Variants in COMMD1 observed in about 807,000 individuals in gnomAD.
COMMD1 encodes the protein copper metabolism domain containing 1.
Under a neutral mutation model 17.2 loss-of-function variants are expected in COMMD1, and 10 were observed. The observed-to-expected ratio is 0.58, with a 90% confidence interval of 0.36 to 0.99. The LOEUF (loss-of-function observed/expected upper bound fraction) is 0.99, where lower values mean the gene tolerates loss of function less well. Among genes scored for constraint, COMMD1 ranks in the 50% least tolerant of loss-of-function variants. The probability of loss-of-function intolerance (pLI) is 0.01; values close to 1 mark genes in which losing one functional copy is unlikely to be tolerated. For missense variants in COMMD1, 270 were observed against 231.8 expected (o/e 1.17, Z -1.07); for synonymous variants, 97 against 91.6 (o/e 1.06, Z -0.34).
chr2:61,960,991 C>G (rs935875121), intron 1 of COMMD1, among the ~76,000 whole-genome samples: 5 of 152,220 alleles, frequency 3.3e-5, no homozygotes, highest in Non-Finnish European at 7.3e-5. Context: ...TGTCCTGGCT[C>G]TCTTCTCCCG....
At chr2:62,101,450 A>G (rs1672174995) in intron 2 of COMMD1, among the ~76,000 whole-genome samples, 1 of 152,088 alleles carries the variant, frequency 6.6e-6, no homozygotes, top group African/African-American at 2.4e-5. Context: ...CTCTACAAAA[A>G]ATTTAAAAAA....
At chr2:62,129,121 C>T (rs763989418) in intron 2 of COMMD1, among the ~76,000 whole-genome samples, 6 of 152,088 alleles carry the variant, frequency 3.9e-5, no homozygotes, top group South Asian at 2.1e-4. Flanking sequence ...TTCTATGCTT[C>T]GGCAGTCTGA....
intron 2 of COMMD1, among the ~76,000 whole-genome samples, chr2:62,031,655 A>G (rs991872342): frequency 1.3e-5 from 2 of 152,220 alleles, no homozygotes; most frequent in African/African-American, 2.4e-5. Context: ...TTTATGTTAA[A>G]GTAAATTTTG....
intron 2 of COMMD1, among the ~76,000 whole-genome samples, chr2:62,035,480 C>A (rs1385028315): frequency 6.6e-6 from 1 of 152,146 alleles, no homozygotes; most frequent in Non-Finnish European, 1.5e-5. Flanking sequence ...GTGGCTCATG[C>A]CTATAATCCC....
chr2:61,954,767 C>T (rs1464980020), intron 1 of COMMD1, among the ~76,000 whole-genome samples: 1 of 152,140 alleles, frequency 6.6e-6, no homozygotes, highest in Non-Finnish European at 1.5e-5. Context: ...TTGCAGCCTC[C>T]ACCTTCCAGG....
intron 1 of COMMD1, among the ~76,000 whole-genome samples, chr2:61,961,201 A>G (rs2103694954): frequency 1.3e-5 from 2 of 152,366 alleles, no homozygotes; most frequent in South Asian, 4.1e-4. Context: ...GGTGCTACTC[A>G]GTAGCTGTCC....
chr2:62,096,171 C>T (rs1672004378), intron 2 of COMMD1, among the ~76,000 whole-genome samples: 2 of 151,996 alleles, frequency 1.3e-5, no homozygotes. Flanking sequence ...GCTTTTATGA[C>T]ATTAGGTAGG....
intron 2 of COMMD1, among the ~76,000 whole-genome samples, chr2:62,081,725 C>T (rs1274951174): frequency 2.0e-5 from 3 of 151,860 alleles, no homozygotes; most frequent in African/African-American, 7.3e-5. Flanking sequence ...ATTTCCTTAT[C>T]GATTTATAAA....
At chr2:61,909,808 C>T (rs150762225) in intron 1 of COMMD1, among the ~76,000 whole-genome samples, 2 of 152,306 alleles carry the variant, frequency 1.3e-5, no homozygotes, top group Non-Finnish European at 2.9e-5. Flanking sequence ...GCAGGGGATA[C>T]AGCGGACACA....
intron 1 of COMMD1, among the ~76,000 whole-genome samples, chr2:61,977,988 GAA>G (rs759260116): frequency 1.5e-5 from 2 of 134,794 alleles, no homozygotes; most frequent in Admixed American, 7.6e-5. Context: ...GATTCTGTCT[GAA>G]AAAAAAAAAA....
At position 62,007,087 on chromosome 2, in the gene COMMD1, A is replaced by C. The variant is rs571340185; in HGVS notation, c.462+6105A>C. Among the ~76,000 whole-genome samples, 295 of 152,304 alleles carry C rather than the reference A, an allele frequency of 1.9e-3. 1 individual carries two copies. The highest frequency in any genetic ancestry group is 6.7e-3 in the African/African-American group (277 of 41,564). On this transcript the variant is annotated intron_variant, in intron 2 of 2. Coordinates refer to ENST00000311832, the MANE Select transcript of COMMD1 (RefSeq NM_152516.4). ...AGATTTTAAGATGCCCTGCATGTAG[A>C]GATCCCAAAATATAAAACTCTTTTC...
upstream of COMMD1, among the ~76,000 whole-genome samples, chr2:61,904,350 T>C (rs1465057921): frequency 6.6e-6 from 1 of 152,220 alleles, no homozygotes; most frequent in Non-Finnish European, 1.5e-5. Flanking sequence ...ATATACAGAA[T>C]ATTCCAGCTT....
intron 1 of COMMD1, among the ~76,000 whole-genome samples, chr2:61,915,226 C>T (rs1013723918): frequency 2.0e-5 from 3 of 151,810 alleles, no homozygotes; most frequent in Non-Finnish European, 4.4e-5. Flanking sequence ...GGTTGGTCTC[C>T]AACTCCTGAG....
intron 2 of COMMD1, chr2:62,084,730 G>C (rs1213172673): frequency 6.6e-6 from 1 of 152,186 alleles, no homozygotes; most frequent in Non-Finnish European, 1.5e-5. Flanking sequence ...AACATGTCTA[G>C]TCTTAGTAGT....
At chr2:62,015,927 A>T (rs1300192722) in intron 2 of COMMD1, among the ~76,000 whole-genome samples, 1 of 151,788 alleles carries the variant, frequency 6.6e-6, no homozygotes, top group Non-Finnish European at 1.5e-5. Context: ...CCGCCTCCCA[A>T]GTTCAAGTCA....
At chr2:62,056,730 T>A (rs957258099) in intron 2 of COMMD1, among the ~76,000 whole-genome samples, 8 of 152,194 alleles carry the variant, frequency 5.3e-5, no homozygotes, top group African/African-American at 1.9e-4. Context: ...AGCATTACTT[T>A]CCAACCACAA....
chr2:62,049,419 TCC>T (rs1670479892), intron 2 of COMMD1, among the ~76,000 whole-genome samples: 1 of 152,120 alleles, frequency 6.6e-6, no homozygotes, highest in Non-Finnish European at 1.5e-5. Flanking sequence ...GGAGGGATTG[TCC>T]CCCAGGGGAC....
intron 2 of COMMD1, among the ~76,000 whole-genome samples, chr2:62,001,916 C>G (rs1480974044): frequency 6.6e-6 from 1 of 152,068 alleles, no homozygotes. Context: ...GCCTGTAACC[C>G]CAGCACTTTG....
intron 1 of COMMD1, among the ~76,000 whole-genome samples, chr2:61,917,822 C>T (rs1054036534): frequency 6.6e-6 from 1 of 152,190 alleles, no homozygotes; most frequent in Non-Finnish European, 1.5e-5. Flanking sequence ...TGAGCCACTG[C>T]GCCCGGCCTC....
Sources: gnomAD v4.1 joint callset for allele counts (sites outside exome capture counted in the v4.1 genomes callset) on GRCh38, gnomAD v4.1.1 for gene constraint, MANE v1.5 for transcripts, NCBI Gene and HGNC (gene_info 2026-07-23, HGNC 2026-07-21) for gene names.